The following LMTK3 variants were observed in gnomAD, a reference collection of about 807,000 sequenced individuals.
The protein encoded by LMTK3 is lemur tail kinase 3.
A neutral mutation model predicts 116.7 loss-of-function variants in LMTK3; 27 were observed. The observed-to-expected ratio is 0.23, with a 90% CI of 0.17 to 0.32. The LOEUF is 0.32. Ranked by LOEUF, LMTK3 falls within the 10% of genes least tolerant of loss-of-function variation. The probability of loss-of-function intolerance (pLI) is 1.00; values close to 1 mark genes in which losing one functional copy is unlikely to be tolerated. For synonymous variants in LMTK3, 965 were observed against 971.0 expected (o/e 0.99, Z 0.11); for missense variants, 1,764 against 2,068.5 (o/e 0.85, Z 2.86).
In LMTK3 at chr19:48,508,842, C is replaced by T; in HGVS notation, c.557+9G>A. ...ACAAGGCACACACCCACTGAGAAACCCTCAGTACCTGTACGGCTGTGCTTC... is the reference window on the plus strand; with the variant it reads ...ACAAGGCACACACCCACTGAGAAACTCTCAGTACCTGTACGGCTGTGCTTC... On this transcript the variant is annotated intron_variant, in intron 5 of 14. Transcript: ENST00000600059. 6.2e-7 allele frequency: 1 copy of T among 1,602,110 alleles called. No homozygotes were observed. Among genetic ancestry groups the T allele is most frequent in the Non-Finnish European group, 8.6e-7 (1 of 1,169,100 alleles).
Position 48,499,606 on chromosome 19 carries a change from G to A in LMTK3, c.1463C>T (p.Ala488Val). The part of the protein sequence containing the change: ...ECLWEKARRG[A>V]GRGGGAPAWQ... ...GGCAGGTGCCCCCCCACCCCGGCCG[G>A]CCCCACGCCGGGCCTTCTCCCACAG... The change falls in exon 11 of 15, where the codon GCC becomes GTC. Residue 488 changes from alanine (A) to valine (V), a missense_variant. By Grantham distance (64) the Ala-to-Val change is moderately conservative. Around this residue, in one of 7 missense-constraint regions of LMTK3, gnomAD observed 1,028 missense variants for 1,050.6 expected, o/e 0.98. Coordinates refer to ENST00000600059, the MANE Select transcript of LMTK3 (RefSeq NM_001388485.1). 1 of 1,540,198 alleles carries A rather than the reference G, an allele frequency of 6.5e-7. No homozygotes were observed. The highest frequency in any genetic ancestry group is 8.7e-7 in the Non-Finnish European group (1 of 1,143,194).
Position 48,499,394 on chromosome 19 carries a change from G to T in LMTK3, c.1675C>A (p.Pro559Thr). 6.9e-7 allele frequency: 1 copy of T among 1,448,312 alleles called. No homozygotes were observed. The highest frequency in any genetic ancestry group is 9.1e-7 in the Non-Finnish European group (1 of 1,099,312). The allele number at this position is 1,448,312 out of a possible 1,614,324, so 89.7% of individuals were successfully genotyped here. Residue 559 changes from proline (P) to threonine (T), a missense_variant, in exon 11 of 15, where the codon CCC becomes ACC. By Grantham distance (38) the Pro-to-Thr change is conservative. Around this residue, in one of 7 missense-constraint regions of LMTK3, gnomAD observed 1,028 missense variants for 1,050.6 expected, o/e 0.98. Transcript: ENST00000600059. ...GGGGCGGGCACTCCTGGGTCCAGGG[G>T]GTCCCAGTCGTTGGGGAAGAGGGGC... ...PEPLFPNDWD[P>T]LDPGVPAPQA...
At chr19:48,508,001 A>T (rs570403061) in intron 5 of LMTK3, among the ~76,000 whole-genome samples, 1 of 152,196 alleles carries the variant, frequency 6.6e-6, no homozygotes, top group South Asian at 2.1e-4. Flanking sequence ...AAGGGGCCCC[A>T]TCCACACCTG....
chr19:48,490,650 G>T (rs552623925), intron 14 of LMTK3, among the ~76,000 whole-genome samples: 48 of 152,048 alleles, frequency 3.2e-4, no homozygotes, highest in Non-Finnish European at 4.9e-4. Flanking sequence ...CAGCGGTGCC[G>T]CTGTGACTGC....
intron 5 of LMTK3, among the ~76,000 whole-genome samples, chr19:48,504,109 A>C (rs1294593236): frequency 2.0e-5 from 3 of 151,798 alleles, no homozygotes; most frequent in Non-Finnish European, 2.9e-5. Flanking sequence ...CTCCGGTGAT[A>C]CGCCCGCCTC....
intron 11 of LMTK3, among the ~76,000 whole-genome samples, chr19:48,496,042 GC>G (rs1972316366): frequency 6.6e-6 from 1 of 152,200 alleles, no homozygotes; most frequent in South Asian, 2.1e-4. Flanking sequence ...AACACAGGAG[GC>G]CTGGCACACT....
chr19:48,485,693 G>A lies in LMTK3; in HGVS notation c.*80C>T, dbSNP rs1972110409. ...CCCCAGAGGCGGCGTCTGCGGTGGT[G>A]GCAGTGGCGCCGTCATCCACAGAGG... On this transcript the variant is annotated 3_prime_UTR_variant, in exon 15 of 15. Coordinates refer to ENST00000600059, the MANE Select transcript of LMTK3 (RefSeq NM_001388485.1). The A allele has an allele frequency of 7.4e-6, 11 of 1,482,646 alleles. No homozygotes were observed. The highest frequency in any genetic ancestry group is 1.0e-5 in the Non-Finnish European group (11 of 1,078,352). The allele number at this position is 1,482,646 out of a possible 1,614,324, so 91.8% of individuals were successfully genotyped here.
At chr19:48,490,135 A>G (rs1210424372) in intron 14 of LMTK3, among the ~76,000 whole-genome samples, 4 of 152,190 alleles carry the variant, frequency 2.6e-5, no homozygotes, top group African/African-American at 7.2e-5. Context: ...AATGTTCACT[A>G]CTGGAGAGGG....
Position 48,499,588 on chromosome 19 carries a change from GCCC to G in LMTK3, c.1478_1480del (p.Gly493del), listed in dbSNP as rs1414393624. The stretch of plus-strand genomic sequence containing the variant: ...GGCCGACGCCGGCTGCCAGGCAGGT[GCCC>G]CCCCACCCCGGCCGGCCCCACGCCG... On this transcript the variant is annotated inframe_deletion, in exon 11 of 15. Transcript: ENST00000600059. 6.5e-7 allele frequency: 1 copy of G among 1,535,634 alleles called. No individual in the cohort carries two copies.
intron 7 of LMTK3, 38 bp downstream of exon 7, chr19:48,502,395 C>T (rs753085002): frequency 6.2e-7 from 1 of 1,600,310 alleles, no homozygotes; most frequent in East Asian, 2.2e-5. Context: ...TCCCCCTTCC[C>T]CTTAGTAGCT....
intron 12 of LMTK3, among the ~76,000 whole-genome samples, chr19:48,492,821 C>A (rs1018530848): frequency 9.2e-5 from 14 of 152,124 alleles, no homozygotes; most frequent in African/African-American, 3.4e-4. Flanking sequence ...CCCACACTCT[C>A]TCTCCAGACC....
intron 5 of LMTK3, among the ~76,000 whole-genome samples, chr19:48,506,238 C>G (rs934014746): frequency 6.8e-6 from 1 of 147,400 alleles, no homozygotes; most frequent in African/African-American, 2.5e-5. Flanking sequence ...CCCAGGAGCT[C>G]AAGGCTGAAG....
At chr19:48,495,688 G>A (rs1972311899) in intron 11 of LMTK3, among the ~76,000 whole-genome samples, 1 of 152,176 alleles carries the variant, frequency 6.6e-6, no homozygotes, top group African/African-American at 2.4e-5. Flanking sequence ...CTCCTCTATG[G>A]AGATGATAAC....
chr19:48,502,133 C>T (rs1236504076), intron 7 of LMTK3, among the ~76,000 whole-genome samples: 2 of 127,688 alleles, frequency 1.6e-5, no homozygotes, highest in Non-Finnish European at 3.3e-5. Flanking sequence ...CCTGGTTCTT[C>T]CTCCTCCTCC....
rs1601039736 is a variant in LMTK3 at position 48,489,723 on chromosome 19, G to A, written c.4366+1385C>T. 7.9e-5 allele frequency among the ~76,000 whole-genome samples: 12 copies of A among 152,344 alleles called. No individual in the cohort carries two copies. In the South Asian group the frequency reaches 2.1e-3, roughly 26 times the overall value. On this transcript the variant is annotated intron_variant, in intron 14 of 14. Coordinates refer to ENST00000600059, the MANE Select transcript of LMTK3 (RefSeq NM_001388485.1). ...CTGTTATCATTCCCACTCTACAGATGAGGGAACTGAAGCACAGAGAGGGAA... is the reference window on the plus strand; with the variant it reads ...CTGTTATCATTCCCACTCTACAGATAAGGGAACTGAAGCACAGAGAGGGAA...
Position 48,491,814 on chromosome 19 carries a change from C to A in LMTK3, c.4093-275G>T, listed in dbSNP as rs981558796. On this transcript the variant is annotated intron_variant, in intron 12 of 14. Coordinates refer to ENST00000600059, the MANE Select transcript of LMTK3 (RefSeq NM_001388485.1). The surrounding 1 kb of genome is among the most constrained non-coding windows in gnomAD (Gnocchi z 5.1). ...GCCCAACGCAGGGATTCTCTCCTGG[C>A]TCATTAACGTGAGGCCTCCACCGGA... Among the ~76,000 whole-genome samples, 3 of 152,274 alleles carry A rather than the reference C, an allele frequency of 2.0e-5. No individual in the cohort carries two copies. The highest frequency in any genetic ancestry group is 6.5e-5 in the Admixed American group (1 of 15,286).
At chr19:48,487,274 C>T (rs1044216490) in intron 14 of LMTK3, among the ~76,000 whole-genome samples, 3 of 152,004 alleles carry the variant, frequency 2.0e-5, no homozygotes, top group Non-Finnish European at 4.4e-5. Context: ...ACCTTGTGAT[C>T]CACCTGCCTC....
Position 48,497,726 on chromosome 19 carries a change from C to T in LMTK3, c.3343G>A (p.Ala1115Thr). 7.5e-7 allele frequency: 1 copy of T among 1,339,274 alleles called. No individual in the cohort carries two copies. The highest frequency in any genetic ancestry group is 9.5e-7 in the Non-Finnish European group (1 of 1,050,230). 83.0% of individuals were successfully genotyped at this position (1,339,274 alleles called of 1,614,324 possible). The change falls in exon 11 of 15, where the codon GCC (alanine) becomes ACC (threonine). Residue 1115 changes from alanine to threonine, a missense_variant. Physicochemically the swap from Ala to Thr is moderately conservative, Grantham distance 58. This residue lies in a region of LMTK3 where 1,028 missense variants were observed against 1,050.6 expected (regional missense o/e 0.98). Transcript: ENST00000600059. This position sits in a 1 kb window ranked among gnomAD's most constrained non-coding sequence, Gnocchi z 5.7. ...GRLDLGSGGR[A>T]PVGTGTAPGG... ...GGGGCCGTCCCCGTGCCCACTGGGG[C>T]TCGGCCCCCACTCCCGAGGTCCAGC...
At chr19:48,488,196 C>A (rs960715134) in intron 14 of LMTK3, among the ~76,000 whole-genome samples, 1 of 152,096 alleles carries the variant, frequency 6.6e-6, no homozygotes, top group Non-Finnish European at 1.5e-5. Context: ...CTGGAATGCA[C>A]CCCCACCCTG....
Sources: allele counts gnomAD v4.1 joint callset (sites outside exome capture counted in the v4.1 genomes callset), GRCh38; gene constraint gnomAD v4.1.1; regional missense constraint gnomAD v4.1.1; non-coding constraint Gnocchi (gnomAD v3.1); transcripts MANE v1.5; gene names NCBI Gene and HGNC (gene_info 2026-07-23, HGNC 2026-07-21).